DYNC2H1: variants seen among roughly 807,000 people sequenced by gnomAD.
DYNC2H1 encodes the protein dynein cytoplasmic 2 heavy chain 1, also known as cytoplasmic dynein 2 heavy chain 1.
Under a neutral mutation model 570.0 loss-of-function variants are expected in DYNC2H1, and 410 were observed. The ratio of observed to expected loss-of-function variants is 0.72; its 90% CI spans 0.66 to 0.78. The LOEUF (loss-of-function observed/expected upper bound fraction) is 0.78. Among genes scored for constraint, DYNC2H1 ranks in the 30% least tolerant of loss-of-function variants. The probability of loss-of-function intolerance (pLI) is 0.00; values close to 1 mark genes in which losing one functional copy is unlikely to be tolerated. For synonymous variants in DYNC2H1, 1,688 were observed against 1,677.6 expected, an observed-to-expected ratio of 1.01 and a Z score of -0.15; for missense variants, 4,865 against 5,046.4, an observed-to-expected ratio of 0.96 and a Z score of 1.09.
In DYNC2H1 at chr11:103,145,567, T is replaced by C. The variant is rs549189945; in HGVS notation, c.2702+2172T>C. On this transcript the variant is annotated intron_variant, in intron 18 of 88. Transcript: ENST00000375735. The surrounding 1 kb of genome is among the most constrained non-coding windows in gnomAD (Gnocchi z 4.2). ...TGATCCTTGCCAAAAGAAAAAAAAA[T>C]AAAAACAACAATGCCTATCCCACAC... 6.6e-6 allele frequency among the ~76,000 whole-genome samples: 1 copy of C among 152,018 alleles called. No homozygotes were observed. The highest frequency in any genetic ancestry group is 2.4e-5 in the African/African-American group (1 of 41,384).
chr11:103,225,773 T>G (rs1216041264), intron 59 of DYNC2H1, among the ~76,000 whole-genome samples: 2 of 152,182 alleles, frequency 1.3e-5, no homozygotes, highest in Admixed American at 1.3e-4. Context: ...GATTGTTTTT[T>G]CTACTTCTGT....
At chr11:103,455,131 T>C in intron 85 of DYNC2H1, 55 bp from the exon 86 acceptor site, 1 of 1,305,480 alleles carries the variant, frequency 7.7e-7, no homozygotes, top group South Asian at 1.4e-5. Flanking sequence ...ACTTAAGTCT[T>C]TAATTGACTT....
intron 87 of DYNC2H1, among the ~76,000 whole-genome samples, chr11:103,463,524 C>T (rs936699709): frequency 1.6e-4 from 25 of 152,196 alleles, no homozygotes; most frequent in South Asian, 6.2e-4. Flanking sequence ...CTGAGGCAAG[C>T]AGATCGCTTG....
At chr11:103,429,704 T>C (rs1392256616) in intron 84 of DYNC2H1, among the ~76,000 whole-genome samples, 2 of 152,354 alleles carry the variant, frequency 1.3e-5, no homozygotes, top group East Asian at 1.9e-4. Context: ...AAATAGGTTT[T>C]AGTTATTTCA....
intron 70 of DYNC2H1, among the ~76,000 whole-genome samples, chr11:103,270,346 A>G (rs1367398876): frequency 6.6e-6 from 1 of 152,116 alleles, no homozygotes; most frequent in Non-Finnish European, 1.5e-5. Context: ...CAAACCCTAT[A>G]GGAAAAAACA....
At chr11:103,213,678 T>C (rs1357659335) in intron 54 of DYNC2H1, among the ~76,000 whole-genome samples, 1 of 152,072 alleles carries the variant, frequency 6.6e-6, no homozygotes, top group Non-Finnish European at 1.5e-5. Context: ...ATGGAATTCT[T>C]TGTTGTTGTT....
At position 103,244,040 on chromosome 11, in the gene DYNC2H1, G is replaced by A. The variant is rs776756241; in HGVS notation, c.9918+249G>A. Among the ~76,000 whole-genome samples, 3 of 152,104 alleles carry A rather than the reference G, an allele frequency of 2.0e-5. No homozygotes were observed. The highest frequency in any genetic ancestry group is 4.4e-5 in the Non-Finnish European group (3 of 67,978). On this transcript the variant is annotated intron_variant, in intron 64 of 88. Transcript: ENST00000375735. The surrounding 1 kb of genome is among the most constrained non-coding windows in gnomAD (Gnocchi z 4.3). The stretch of plus-strand genomic sequence containing the variant: ...AGTTCCTTCCCTTATAAAGATGACA[G>A]TCTAGTAGGTTAGAGAAACAATTAA...
chr11:103,473,384 G>T (rs1004792868), intron 88 of DYNC2H1, among the ~76,000 whole-genome samples: 2 of 150,182 alleles, frequency 1.3e-5, no homozygotes, highest in Non-Finnish European at 2.9e-5. Flanking sequence ...TCCAGTTCCA[G>T]TTCGGTGCAG....
In DYNC2H1 at chr11:103,280,483, G is replaced by T. The variant is rs1866087587; in HGVS notation, c.10761+70G>T. 3.1e-6 allele frequency: 4 copies of T among 1,285,578 alleles called. No individual in the cohort carries two copies. Among genetic ancestry groups the T allele is most frequent in the Admixed American group, 4.0e-5 (2 of 50,054 alleles). 79.6% of individuals were successfully genotyped at this position (1,285,578 alleles called of 1,614,324 possible). On this transcript the variant is annotated intron_variant, in intron 71 of 88. Coordinates refer to ENST00000375735, the MANE Select transcript of DYNC2H1 (RefSeq NM_001377.3). This position sits in a 1 kb window ranked among gnomAD's most constrained non-coding sequence, Gnocchi z 4.7. ...TTGTTAATGGGTGGATTTATGTTTA[G>T]ATTAGAAATTATTTAGGCTAGAAAT...
intron 53 of DYNC2H1, among the ~76,000 whole-genome samples, chr11:103,211,076 G>A: frequency 6.6e-6 from 1 of 151,998 alleles, no homozygotes; most frequent in Non-Finnish European, 1.5e-5. Context: ...CAAGATGAAG[G>A]CCTAAACCAA....
At chr11:103,421,535 A>C (rs905128782) in intron 84 of DYNC2H1, among the ~76,000 whole-genome samples, 1 of 152,200 alleles carries the variant, frequency 6.6e-6, no homozygotes, top group African/African-American at 2.4e-5. Context: ...ATCAAATTAG[A>C]ACTCAAGATT....
chr11:103,143,319 C>A lies in DYNC2H1; in HGVS notation c.2626C>A (p.Leu876Ile). Residue 876 changes from leucine (L) to isoleucine (I), a missense_variant, in exon 18 of 89, where the codon CTT (leucine) becomes ATT (isoleucine). Coordinates refer to ENST00000375735, the MANE Select transcript of DYNC2H1 (RefSeq NM_001377.3). Reference protein sequence around the residue: ...VDMEALVEKHLFTVHDWEKNF... With the variant: ...VDMEALVEKHIFTVHDWEKNF... ...TATGGAAGCTCTGGTGGAAAAGCAT[C>A]TTTTTACTGTACATGATTGGGAGAA... 1 of 1,613,388 alleles carries A rather than the reference C, an allele frequency of 6.2e-7. No individual in the cohort carries two copies. The highest frequency in any genetic ancestry group is 8.5e-7 in the Non-Finnish European group (1 of 1,179,650).
intron 88 of DYNC2H1, among the ~76,000 whole-genome samples, chr11:103,471,223 T>G (rs928177999): frequency 6.6e-5 from 10 of 152,232 alleles, no homozygotes; most frequent in African/African-American, 2.4e-4. Context: ...ACATGACATG[T>G]AATGGAAGAA....
intron 87 of DYNC2H1, among the ~76,000 whole-genome samples, chr11:103,467,828 C>T (rs1275731443): frequency 4.6e-5 from 7 of 152,246 alleles, no homozygotes; most frequent in Non-Finnish European, 5.9e-5. Context: ...TGAGCCACCG[C>T]GCCCAGCCGG....
chr11:103,135,642 G>GT lies in DYNC2H1; in HGVS notation c.2345+14dup. ...TATAGACTTAACTTACAAGTAAGAT[G>GT]TTTTTTCAACCCCAATTTAATGTTC... is the stretch of plus-strand genomic sequence containing the variant. On this transcript the variant is annotated intron_variant, in intron 16 of 88. Coordinates refer to ENST00000375735, the MANE Select transcript of DYNC2H1 (RefSeq NM_001377.3). 2 of 1,609,838 alleles carry GT rather than the reference G, an allele frequency of 1.2e-6. No homozygotes were observed. Among genetic ancestry groups the GT allele is most frequent in the East Asian group, 2.2e-5 (1 of 44,842 alleles).
intron 6 of DYNC2H1, among the ~76,000 whole-genome samples, chr11:103,119,418 C>T (rs1451415331): frequency 6.6e-6 from 1 of 152,100 alleles, no homozygotes; most frequent in African/African-American, 2.4e-5. Context: ...TGGCTCACTG[C>T]AACCTCTGCC....
At position 103,472,908 on chromosome 11, in the gene DYNC2H1, A is replaced by G. The variant is rs982653910; in HGVS notation, c.12765+4203A>G. 3.3e-5 allele frequency among the ~76,000 whole-genome samples: 5 copies of G among 152,196 alleles called. No homozygotes were observed. Among genetic ancestry groups the G allele is most frequent in the African/African-American group, 1.2e-4 (5 of 41,432 alleles). On this transcript the variant is annotated intron_variant, in intron 88 of 88. Transcript: ENST00000375735. The surrounding 1 kb of genome is among the most constrained non-coding windows in gnomAD (Gnocchi z 4.1). ...AGTATCCCTGAGGAGCTTCGTTTCA[A>G]CAGAAACTTGCCCACTAACCCAGTC...
At chr11:103,321,467 T>C (rs915242665) in intron 81 of DYNC2H1, among the ~76,000 whole-genome samples, 4 of 152,126 alleles carry the variant, frequency 2.6e-5, no homozygotes, top group Admixed American at 1.3e-4. Context: ...GGCTGGTATA[T>C]AGACAGATCT....
At chr11:103,273,460 A>T (rs1022854117) in intron 70 of DYNC2H1, among the ~76,000 whole-genome samples, 2 of 152,208 alleles carry the variant, frequency 1.3e-5, no homozygotes, top group Non-Finnish European at 2.9e-5. Flanking sequence ...GGATGTTGGG[A>T]TTACAGGCAT....
Sources: gnomAD v4.1 joint callset for allele counts (sites outside exome capture counted in the v4.1 genomes callset) on GRCh38, gnomAD v4.1.1 for gene constraint, Gnocchi (gnomAD v3.1) non-coding constraint, MANE v1.5 for transcripts, NCBI Gene and HGNC (gene_info 2026-07-23, HGNC 2026-07-21) for gene names.